CDH4: variants seen among roughly 807,000 people sequenced by gnomAD.
The protein encoded by CDH4 is cadherin 4, also known as cadherin-4.
CDH4 carries 33 observed loss-of-function variants against 86.0 expected under a neutral mutation model. The ratio of observed to expected loss-of-function variants is 0.38; its 90% CI spans 0.29 to 0.51. CDH4 has a LOEUF of 0.51. CDH4 is among the 20% of genes least tolerant of loss of function. The pLI is 0.86. For missense variants in CDH4, 1,114 were observed against 1,307.4 expected (o/e 0.85, Z 2.28); for synonymous variants, 555 against 549.4 (o/e 1.01, Z -0.14).
At chr20:61,364,554 G>A (rs1180894381) in intron 2 of CDH4, among the ~76,000 whole-genome samples, 1 of 152,188 alleles carries the variant, frequency 6.6e-6, no homozygotes, top group African/African-American at 2.4e-5. Flanking sequence ...GGTTCCAAGT[G>A]GGACCTTGAG....
chr20:61,323,607 C>T (rs760319709), intron 2 of CDH4, among the ~76,000 whole-genome samples: 8 of 152,148 alleles, frequency 5.3e-5, no homozygotes, highest in African/African-American at 1.2e-4. Flanking sequence ...TGCTCCCTGA[C>T]GGTGATAATT....
intron 11 of CDH4, among the ~76,000 whole-genome samples, chr20:61,926,079 G>A (rs4925315): frequency 0.53 from 80,810 of 152,120 alleles, 23,083 homozygotes; most frequent in East Asian, 0.84. Flanking sequence ...ACTCAGCAGC[G>A]TCTGCCCCAA....
At chr20:61,935,202 G>A (rs1184978711) in intron 15 of CDH4, among the ~76,000 whole-genome samples, 1 of 152,184 alleles carries the variant, frequency 6.6e-6, no homozygotes, top group Non-Finnish European at 1.5e-5. Flanking sequence ...TTTAAAGGAG[G>A]TTTAGCAACA....
chr20:61,348,387 C>G (rs1019790192), intron 2 of CDH4, among the ~76,000 whole-genome samples: 4 of 152,188 alleles, frequency 2.6e-5, no homozygotes, highest in Non-Finnish European at 5.9e-5. Flanking sequence ...CGGGGTCCCT[C>G]CCATGACACA....
chr20:61,874,322 C>T (rs528924479), intron 7 of CDH4, among the ~76,000 whole-genome samples: 11 of 152,262 alleles, frequency 7.2e-5, no homozygotes, highest in Admixed American at 1.3e-4. Flanking sequence ...CAGGCTGCGG[C>T]GGCCTGGCTG....
rs183831464 is a variant in CDH4 at position 61,332,103 on chromosome 20, C to T, written c.169+77166C>T. 1.9e-4 allele frequency among the ~76,000 whole-genome samples: 29 copies of T among 152,254 alleles called. No homozygotes were observed. In the East Asian group the frequency reaches 3.5e-3, roughly 18 times the overall value. The stretch of plus-strand genomic sequence containing the variant: ...GGCTGAGAACACAGACACTCGACAG[C>T]GATGCCCGGCTTCCCAGAGAAGAGG... On this transcript the variant is annotated intron_variant, in intron 2 of 15. Coordinates refer to ENST00000614565, the MANE Select transcript of CDH4 (RefSeq NM_001794.5).
intron 1 of CDH4, among the ~76,000 whole-genome samples, chr20:61,253,840 G>T (rs1002036917): frequency 1.3e-5 from 2 of 152,076 alleles, no homozygotes; most frequent in African/African-American, 4.8e-5. Flanking sequence ...CGCGGAGCTG[G>T]AGGAGGCGGC....
At chr20:61,609,862 T>G (rs1045844632) in intron 2 of CDH4, among the ~76,000 whole-genome samples, 1 of 152,240 alleles carries the variant, frequency 6.6e-6, no homozygotes, top group Admixed American at 6.5e-5. Context: ...TTTTTTTCTT[T>G]CCCATTAATA....
chr20:61,612,217 C>G (rs1335527113), intron 2 of CDH4, among the ~76,000 whole-genome samples: 4 of 152,046 alleles, frequency 2.6e-5, no homozygotes, highest in Non-Finnish European at 4.4e-5. Context: ...TTTATCATTT[C>G]TTTATGCTGG....
chr20:61,516,795 C>T lies in CDH4; in HGVS notation c.170-226768C>T, dbSNP rs2145620846. 1.3e-5 allele frequency among the ~76,000 whole-genome samples: 2 copies of T among 152,326 alleles called. No individual in the cohort carries two copies. The highest frequency in any genetic ancestry group is 4.8e-5 in the African/African-American group (2 of 41,576). ...TCAGTGAGTGTCGGTTTGGCGATCA[C>T]ACTTGCTTTCTTCTTGGGAACCTGG... On this transcript the variant is annotated intron_variant, in intron 2 of 15. Transcript: ENST00000614565. This position sits in a 1 kb window ranked among gnomAD's most constrained non-coding sequence, Gnocchi z 4.0.
At chr20:61,256,074 C>A (rs2084096398) in intron 2 of CDH4, among the ~76,000 whole-genome samples, 1 of 152,158 alleles carries the variant, frequency 6.6e-6, no homozygotes, top group Admixed American at 6.5e-5. Flanking sequence ...TAGTAAAGAG[C>A]TTTCAAGAGC....
Position 61,772,949 on chromosome 20 carries a change from T to G in CDH4, c.397-54T>G, listed in dbSNP as rs368216244. Reference sequence around the variant, plus strand: ...CATCTTAGCAGATGCCATTTTCCTCTGTGCAAAACCTAACTGGACTTCTCT... The same window carrying G: ...CATCTTAGCAGATGCCATTTTCCTCGGTGCAAAACCTAACTGGACTTCTCT... On this transcript the variant is annotated intron_variant, in intron 3 of 15. Coordinates refer to ENST00000614565, the MANE Select transcript of CDH4 (RefSeq NM_001794.5). 94 of 1,517,438 alleles carry G rather than the reference T, an allele frequency of 6.2e-5. No homozygotes were observed. In the East Asian group the frequency reaches 8.9e-4, roughly 14 times the overall value. 94.0% of individuals were successfully genotyped at this position (1,517,438 alleles called of 1,614,324 possible).
chr20:61,824,746 C>T (rs1467048738), intron 4 of CDH4, among the ~76,000 whole-genome samples: 3 of 152,184 alleles, frequency 2.0e-5, no homozygotes, highest in Non-Finnish European at 4.4e-5. Flanking sequence ...CCTGTGAAGG[C>T]CTTTTCATCT....
chr20:61,273,851 ATGTGCAGTTTGGAGGAGTATTG>A (rs2084204080), intron 2 of CDH4, among the ~76,000 whole-genome samples: 1 of 131,072 alleles, frequency 7.6e-6, no homozygotes, highest in African/African-American at 2.9e-5. Context: ...GGGGAGTACC[ATGTGCAGTTTGGAGGAGTATTG>A]TGTGCAGTTT....
chr20:61,413,607 C>A (rs551956111), intron 2 of CDH4, among the ~76,000 whole-genome samples: 1 of 152,340 alleles, frequency 6.6e-6, no homozygotes, highest in East Asian at 1.9e-4. Context: ...GCTGTTACCG[C>A]CATTATTGTG....
chr20:61,486,687 C>CGCTT (rs2085598449), intron 2 of CDH4, among the ~76,000 whole-genome samples: 1 of 151,622 alleles, frequency 6.6e-6, no homozygotes, highest in South Asian at 2.1e-4. Context: ...TCTAGGGGTT[C>CGCTT]GAGACTAGCC....
At position 61,252,834 on chromosome 20, in the gene CDH4, C is replaced by T. The variant is rs1311431335; in HGVS notation, c.57+264C>T. Among the ~76,000 whole-genome samples, 1 of 151,780 alleles carries T rather than the reference C, an allele frequency of 6.6e-6. No homozygotes were observed. The highest frequency in any genetic ancestry group is 1.5e-5 in the Non-Finnish European group (1 of 67,906). On this transcript the variant is annotated intron_variant, in intron 1 of 15. Coordinates refer to ENST00000614565, the MANE Select transcript of CDH4 (RefSeq NM_001794.5). The surrounding 1 kb of genome is among the most constrained non-coding windows in gnomAD (Gnocchi z 4.4). ...CCCGGGGAGCTCCGCCTGCACCGGA[C>T]CCGCCGAGCCTCCCTCGAACGCCCA...
At chr20:61,509,564 C>T (rs1426343416) in intron 2 of CDH4, among the ~76,000 whole-genome samples, 1 of 150,898 alleles carries the variant, frequency 6.6e-6, no homozygotes, top group Non-Finnish European at 1.5e-5. Flanking sequence ...CACCTAGCAG[C>T]ATGGCAAGAG....
In CDH4 at chr20:61,831,843, A is replaced by G. The variant is rs957565926; in HGVS notation, c.577-12825A>G. Among the ~76,000 whole-genome samples the G allele has an allele frequency of 8.5e-5, 13 of 152,208 alleles. No individual in the cohort carries two copies. The East Asian group carries it at 1.7e-3, about 20-fold the overall frequency. On this transcript the variant is annotated intron_variant, in intron 4 of 15. Transcript: ENST00000614565. ...TTCTGAATCCTCCAGCCTCTCCAGC[A>G]TTTGCCTTCATTCCCACAGAGGCCG...
Sources: allele counts gnomAD v4.1 joint callset (sites outside exome capture counted in the v4.1 genomes callset), GRCh38; gene constraint gnomAD v4.1.1; non-coding constraint Gnocchi (gnomAD v3.1); transcripts MANE v1.5; gene names NCBI Gene and HGNC (gene_info 2026-07-23, HGNC 2026-07-21).